CPVL: variants seen among roughly 807,000 people sequenced by gnomAD.
The protein encoded by CPVL is probable serine carboxypeptidase CPVL.
A neutral mutation model predicts 63.7 loss-of-function variants in CPVL; 51 were observed. The observed-to-expected ratio is 0.80, with a 90% CI of 0.64 to 1.01. CPVL has a LOEUF of 1.01. CPVL is among the 50% of genes least tolerant of loss of function. The pLI is 0.00. For synonymous variants in CPVL, 195 were observed against 206.0 expected, an observed-to-expected ratio of 0.95 and a Z score of 0.46; for missense variants, 530 against 573.1, an observed-to-expected ratio of 0.92 and a Z score of 0.77.
chr7:28,996,998 G>A (rs1008146787), intron 12 of CPVL, among the ~76,000 whole-genome samples: 1 of 152,202 alleles, frequency 6.6e-6, no homozygotes, highest in Admixed American at 6.5e-5. Flanking sequence ...CCCTTGTTGG[G>A]TGATATAAAG....
At chr7:29,164,642 G>A (rs977820203) in intron 5 of CPVL, among the ~76,000 whole-genome samples, 3 of 151,776 alleles carry the variant, frequency 2.0e-5, no homozygotes, top group Non-Finnish European at 4.4e-5. Context: ...TTAGCCACGC[G>A]TGGTGGCATA....
intron 5 of CPVL, among the ~76,000 whole-genome samples, chr7:29,168,725 C>G (rs1230674958): frequency 6.6e-6 from 1 of 152,200 alleles, no homozygotes; most frequent in Admixed American, 6.5e-5. Flanking sequence ...AATCAGATGG[C>G]TAAACACACT....
chr7:29,069,130 T>A (rs1394726062), intron 9 of CPVL, among the ~76,000 whole-genome samples: 1 of 152,038 alleles, frequency 6.6e-6, no homozygotes, highest in Non-Finnish European at 1.5e-5. Flanking sequence ...ATAACTTTGC[T>A]TTTAGAAAGA....
chr7:29,173,162 T>A (rs1386530204), intron 5 of CPVL, among the ~76,000 whole-genome samples: 1 of 148,850 alleles, frequency 6.7e-6, no homozygotes, highest in African/African-American at 2.5e-5. Context: ...GATGAGATAG[T>A]TTTTAAAAAA....
At chr7:29,040,045 T>C (rs1052246169) in intron 11 of CPVL, among the ~76,000 whole-genome samples, 3 of 152,086 alleles carry the variant, frequency 2.0e-5, no homozygotes, top group Admixed American at 6.6e-5. Flanking sequence ...CTATCTGTCT[T>C]AGTTTTGAAT....
intron 11 of CPVL, among the ~76,000 whole-genome samples, chr7:29,032,408 T>C (rs781162041): frequency 1.3e-4 from 20 of 152,234 alleles, no homozygotes; most frequent in Admixed American, 8.5e-4. Flanking sequence ...AAAATCCTGA[T>C]AGATTTAAAG....
chr7:29,194,599 G>T (rs367757837), intron 1 of CPVL: 1 of 240,746 alleles, frequency 4.2e-6, no homozygotes, highest in Non-Finnish European at 7.9e-6. Flanking sequence ...TCCCAGCCGC[G>T]CACAGGGGAG....
chr7:29,080,895 T>C (rs773969087), intron 7 of CPVL, among the ~76,000 whole-genome samples: 1 of 152,248 alleles, frequency 6.6e-6, no homozygotes, highest in African/African-American at 2.4e-5. Context: ...AAATTATGGT[T>C]GCAAAACTGT....
chr7:29,062,555 T>C (rs1373327614), intron 11 of CPVL, among the ~76,000 whole-genome samples: 1 of 152,214 alleles, frequency 6.6e-6, no homozygotes, highest in East Asian at 1.9e-4. Flanking sequence ...TGGTTACGTG[T>C]CCAACACTGT....
At chr7:29,149,757 T>C (rs78772325), upstream of CPVL, among the ~76,000 whole-genome samples, 2,575 of 152,216 alleles carry the variant, frequency 0.017, 57 homozygotes, top group African/African-American at 0.058. Flanking sequence ...TTCCTTGGCT[T>C]GTGGCAGCAT....
At chr7:29,129,506 G>A (rs1025079739) in intron 1 of CPVL, among the ~76,000 whole-genome samples, 4 of 146,016 alleles carry the variant, frequency 2.7e-5, no homozygotes, top group Non-Finnish European at 5.9e-5. Flanking sequence ...AGTCTCGCTC[G>A]GTCGCCAGGG....
chr7:29,115,317 T>C (rs1038449332), intron 2 of CPVL, among the ~76,000 whole-genome samples: 2 of 152,218 alleles, frequency 1.3e-5, no homozygotes, highest in African/African-American at 4.8e-5. Flanking sequence ...GATTGCTTAA[T>C]GCAACCTCTG....
At chr7:29,139,958 T>C (rs560494198) in intron 1 of CPVL, among the ~76,000 whole-genome samples, 8 of 152,358 alleles carry the variant, frequency 5.3e-5, no homozygotes, top group Admixed American at 5.2e-4. Flanking sequence ...ATTTCCCCTT[T>C]TGTCAAATAC....
At chr7:29,174,623 G>A (rs13234641) in intron 5 of CPVL, among the ~76,000 whole-genome samples, 17,938 of 152,194 alleles carry the variant, frequency 0.12, 1,242 homozygotes, top group African/African-American at 0.18. Context: ...CACTTTGGGA[G>A]GCCGACTTGG....
chr7:29,075,519 T>A (rs1286214055), intron 7 of CPVL, among the ~76,000 whole-genome samples: 20 of 128,946 alleles, frequency 1.6e-4, no homozygotes, highest in East Asian at 4.6e-4. Flanking sequence ...AGATACTTCT[T>A]AAAAAAAAAA....
At chr7:29,073,985 C>A (rs17157468) in intron 7 of CPVL, among the ~76,000 whole-genome samples, 1 of 152,102 alleles carries the variant, frequency 6.6e-6, no homozygotes, top group East Asian at 1.9e-4. Flanking sequence ...TCTCCAAGGC[C>A]CTCCAGGGGT....
intron 12 of CPVL, among the ~76,000 whole-genome samples, chr7:29,019,068 T>C (rs929882168): frequency 3.3e-5 from 5 of 151,802 alleles, no homozygotes; most frequent in African/African-American, 1.2e-4. Flanking sequence ...TATATATATA[T>C]TTACATATCT....
intron 3 of CPVL, among the ~76,000 whole-genome samples, chr7:29,097,017 T>C (rs1188942864): frequency 6.9e-6 from 1 of 145,128 alleles, no homozygotes; most frequent in African/African-American, 2.6e-5. Flanking sequence ...AAAGAATGTG[T>C]CCATAGGGAC....
chr7:29,106,779 C>T (rs1000922577), intron 3 of CPVL, among the ~76,000 whole-genome samples: 2 of 152,206 alleles, frequency 1.3e-5, no homozygotes, highest in African/African-American at 4.8e-5. Context: ...CAAGATCTCA[C>T]AGCCACAGCC....
Sources: allele counts gnomAD v4.1 joint callset (sites outside exome capture counted in the v4.1 genomes callset), GRCh38; gene constraint gnomAD v4.1.1; transcripts MANE v1.5; gene names NCBI Gene and HGNC (gene_info 2026-07-23, HGNC 2026-07-21).